ATP8A2: variants seen among roughly 807,000 people sequenced by gnomAD.
ATP8A2 encodes the protein phospholipid-transporting ATPase IB.
ATP8A2 carries 100 observed loss-of-function variants against 165.6 expected under a neutral mutation model. The ratio of observed to expected loss-of-function variants is 0.60; its 90% confidence interval spans 0.51 to 0.71. The LOEUF is 0.71. ATP8A2 is among the 30% of genes least tolerant of loss of function. ATP8A2 has a pLI of 0.00. For missense variants in ATP8A2, 1,227 were observed against 1,479.5 expected, an observed-to-expected ratio of 0.83 and a Z score of 2.80; for synonymous variants, 543 against 548.8, an observed-to-expected ratio of 0.99 and a Z score of 0.15.
At chr13:25,563,819 T>C (rs12018180) in intron 15 of ATP8A2, 137 bp from the exon 16 acceptor site, 389,595 of 588,918 alleles carry the variant, frequency 0.66, 135,197 homozygotes, top group African/African-American at 0.72. Flanking sequence ...ATACAGAATT[T>C]CAAGTCTTTA....
Position 25,750,738 on chromosome 13 carries a change from G to T in ATP8A2, c.2385-18308G>T, listed in dbSNP as rs1043933926. Among the ~76,000 whole-genome samples the T allele has an allele frequency of 6.6e-6, 1 of 152,120 alleles. No individual in the cohort carries two copies. The highest frequency in any genetic ancestry group is 2.4e-5 in the African/African-American group (1 of 41,418). ...CGAGCACATGGGCATCAAAAAGCTT[G>T]CGAAGAAAAGTCCTCTTCTGCTCGA... On this transcript the variant is annotated intron_variant, in intron 25 of 36. Transcript: ENST00000381655. This position sits in a 1 kb window ranked among gnomAD's most constrained non-coding sequence, Gnocchi z 4.3.
intron 11 of ATP8A2, 53 bp downstream of exon 11, chr13:25,551,556 T>A: frequency 6.5e-7 from 1 of 1,542,718 alleles, no homozygotes. Flanking sequence ...ATTTTTGAGA[T>A]GTTCTTGCAG....
At chr13:25,707,899 T>C (rs2043084957) in intron 25 of ATP8A2, among the ~76,000 whole-genome samples, 1 of 152,208 alleles carries the variant, frequency 6.6e-6, no homozygotes. Context: ...TTTCCTCTTT[T>C]GGCAGTAGTC....
At position 25,405,551 on chromosome 13, in the gene ATP8A2, C is replaced by T. The variant is rs534427108; in HGVS notation, c.76+33263C>T. 5.3e-5 allele frequency among the ~76,000 whole-genome samples: 8 copies of T among 152,262 alleles called. 1 individual carries two copies. In the South Asian group the frequency reaches 1.7e-3, roughly 32 times the overall value. ...CTCCTTGGGGTACTCCCAGCGTGCT[C>T]TCTTGAGACCCTAAAGAGCTTATGC... On this transcript the variant is annotated intron_variant, in intron 1 of 36. Transcript: ENST00000381655.
chr13:25,544,162 A>G (rs114868585), intron 10 of ATP8A2, among the ~76,000 whole-genome samples: 1,822 of 152,330 alleles, frequency 0.012, 36 homozygotes, highest in African/African-American at 0.041. Context: ...TATGGGTGCA[A>G]TAGTGAAAGG....
At chr13:25,850,844 C>T (rs1011430873) in intron 30 of ATP8A2, among the ~76,000 whole-genome samples, 15 of 152,200 alleles carry the variant, frequency 9.9e-5, no homozygotes, top group African/African-American at 3.6e-4. Context: ...CAAACACTTT[C>T]TTAGGACTTC....
At chr13:25,914,007 G>A (rs909693375) in intron 33 of ATP8A2, among the ~76,000 whole-genome samples, 6 of 152,134 alleles carry the variant, frequency 3.9e-5, no homozygotes, top group Non-Finnish European at 8.8e-5. Flanking sequence ...TGACTCCTCA[G>A]CATTAGACCA....
intron 28 of ATP8A2, among the ~76,000 whole-genome samples, chr13:25,831,287 T>C (rs577085185): frequency 6.7e-6 from 1 of 149,480 alleles, no homozygotes; most frequent in South Asian, 2.2e-4. Flanking sequence ...CAATCTCAGC[T>C]CACTGCAAGT....
chr13:25,741,561 T>A (rs996252758), intron 25 of ATP8A2, among the ~76,000 whole-genome samples: 16 of 152,126 alleles, frequency 1.1e-4, no homozygotes, highest in Non-Finnish European at 1.6e-4. Context: ...TTTAATTTTT[T>A]TTTTTTTGTA....
intron 1 of ATP8A2, among the ~76,000 whole-genome samples, chr13:25,415,232 T>G (rs2034098761): frequency 6.6e-6 from 1 of 152,226 alleles, no homozygotes; most frequent in Non-Finnish European, 1.5e-5. Context: ...CTCCTCCCCA[T>G]GTACTCTCCA....
chr13:25,877,688 G>A (rs963215975), intron 33 of ATP8A2, among the ~76,000 whole-genome samples: 1 of 152,148 alleles, frequency 6.6e-6, no homozygotes, highest in Non-Finnish European at 1.5e-5. Context: ...TACTAGCCAT[G>A]TGGCATAAGT....
intron 25 of ATP8A2, among the ~76,000 whole-genome samples, chr13:25,713,743 C>T (rs995788730): frequency 2.6e-5 from 4 of 151,928 alleles, no homozygotes; most frequent in Admixed American, 6.6e-5. Context: ...GCATATGTGT[C>T]GCAAATATGT....
At chr13:25,504,696 C>T (rs1593416821) in intron 2 of ATP8A2, among the ~76,000 whole-genome samples, 5 of 144,426 alleles carry the variant, frequency 3.5e-5, no homozygotes, top group South Asian at 4.4e-4. Flanking sequence ...GCCGAGATTG[C>T]GCCACTGCAG....
At position 26,021,283 on chromosome 13, in the gene ATP8A2, G is replaced by A. The variant is rs1324405; in HGVS notation, c.*1298G>A. 0.98 allele frequency: 149,968 copies of A among 152,390 alleles called. 73,814 individuals carry two copies. The highest frequency in any genetic ancestry group is 1 in the East Asian group (5,172 of 5,186). 9.4% of individuals were successfully genotyped at this position (152,390 alleles called of 1,614,324 possible). On this transcript the variant is annotated 3_prime_UTR_variant, in exon 37 of 37. Transcript: ENST00000381655. ...TCTTTGCAGTAGAAACTCTGAAATA[G>A]GCCTTGAGACCCAGACAATTGTCAT...
intron 25 of ATP8A2, among the ~76,000 whole-genome samples, chr13:25,737,175 G>A (rs2043790384): frequency 6.6e-6 from 1 of 152,182 alleles, no homozygotes; most frequent in Admixed American, 6.5e-5. Context: ...ACTCTGCAAG[G>A]GAAGAAGGCA....
chr13:25,731,284 GAA>G (rs796697680), intron 25 of ATP8A2, among the ~76,000 whole-genome samples: 53 of 146,822 alleles, frequency 3.6e-4, no homozygotes, highest in African/African-American at 1.2e-3. Flanking sequence ...GAAAAAGAAA[GAA>G]AGAGAGAGAG....
chr13:25,696,525 C>A (rs1238043610), intron 24 of ATP8A2, among the ~76,000 whole-genome samples: 9 of 152,228 alleles, frequency 5.9e-5, no homozygotes, highest in Admixed American at 5.9e-4. Context: ...GGCGAACTTG[C>A]TGCAGCTTCC....
chr13:25,431,131 C>A (rs961611021), intron 1 of ATP8A2, among the ~76,000 whole-genome samples: 1 of 132,630 alleles, frequency 7.5e-6, no homozygotes, highest in East Asian at 2.3e-4. Context: ...GTACACATTT[C>A]TCTAAACAGA....
At chr13:25,652,315 A>G (rs1187154286) in intron 24 of ATP8A2, among the ~76,000 whole-genome samples, 1 of 151,984 alleles carries the variant, frequency 6.6e-6, no homozygotes, top group Non-Finnish European at 1.5e-5. Flanking sequence ...CTTTTTCCTT[A>G]TTACTGGTTT....
Sources: gnomAD v4.1 joint callset for allele counts (sites outside exome capture counted in the v4.1 genomes callset) on GRCh38, gnomAD v4.1.1 for gene constraint, Gnocchi (gnomAD v3.1) non-coding constraint, MANE v1.5 for transcripts, NCBI Gene and HGNC (gene_info 2026-07-23, HGNC 2026-07-21) for gene names.